TOMM40: variants seen among roughly 807,000 people sequenced by gnomAD.
TOMM40 encodes mitochondrial import receptor subunit TOM40 homolog.
TOMM40 carries 9 observed loss-of-function variants against 38.4 expected under a neutral mutation model. That is an observed-to-expected ratio of 0.23 (90% CI 0.14 to 0.41). The LOEUF (loss-of-function observed/expected upper bound fraction) is 0.41, where lower values mean the gene tolerates loss of function less well. TOMM40 is among the 10% of genes least tolerant of loss of function. The pLI, the probability that TOMM40 is intolerant of heterozygous loss-of-function variation, is 1.00. For missense variants in TOMM40, 299 were observed against 486.5 expected (o/e 0.61, Z 3.63); for synonymous variants, 184 against 210.0 (o/e 0.88, Z 1.07).
In TOMM40 at chr19:44,896,167, C is replaced by G. The variant is rs1969561579; in HGVS notation, c.643+2101C>G. ...AGCACTGGCCTCCTGGAGCCCAGGG[C>G]CACCAGTGACGCTTTGGTCTCTAGT... On this transcript the variant is annotated intron_variant, in intron 5 of 8. Transcript: ENST00000426677. Among the ~76,000 whole-genome samples, 5 of 152,296 alleles carry G rather than the reference C, an allele frequency of 3.3e-5. No individual in the cohort carries two copies. The South Asian group carries it at 1.0e-3, about 32-fold the overall frequency.
rs1370517889 is a variant in TOMM40 at position 44,893,765 on chromosome 19, C to G, written c.436-15C>G. ...TGCACCACCTCTGACCCCTTCCGTT[C>G]TCTCTGCCTCACAGGCGTTCCCTGT... On this transcript the variant is annotated splice_polypyrimidine_tract_variant and intron_variant, in intron 3 of 8. Transcript: ENST00000426677. 2 of 1,610,184 alleles carry G rather than the reference C, an allele frequency of 1.2e-6. No homozygotes were observed. Among genetic ancestry groups the G allele is most frequent in the East Asian group, 2.2e-5 (1 of 44,852 alleles).
At chr19:44,898,145 C>T (rs906973063) in intron 5 of TOMM40, among the ~76,000 whole-genome samples, 1 of 152,068 alleles carries the variant, frequency 6.6e-6, no homozygotes, top group African/African-American at 2.4e-5. Context: ...GCCTAACACT[C>T]AGCCCCTCTG....
chr19:44,896,014 T>G lies in TOMM40; in HGVS notation c.643+1948T>G, dbSNP rs146901487. 1.3e-4 allele frequency among the ~76,000 whole-genome samples: 20 copies of G among 152,302 alleles called. No homozygotes were observed. The East Asian group carries it at 3.9e-3, about 29-fold the overall frequency. ...CTGTCGTCCACCATTGTCCCCATCT[T>G]GCAAGGCCAAGAGGAGGTTCTCCAC... On this transcript the variant is annotated intron_variant, in intron 5 of 8. Transcript: ENST00000426677.
In TOMM40 at chr19:44,892,374, C is replaced by T. The variant is rs1343330936; in HGVS notation, c.275-19C>T. 2 of 1,613,514 alleles carry T rather than the reference C, an allele frequency of 1.2e-6. No homozygotes were observed. Among genetic ancestry groups the T allele is most frequent in the Admixed American group, 3.3e-5 (2 of 59,990 alleles). Reference sequence around the variant, plus strand: ...GGTGTGGGGTTGGAGTGGAGTGTGACAGCGTTTCTCTTCTCCAGAGCTGTT... The same window carrying T: ...GGTGTGGGGTTGGAGTGGAGTGTGATAGCGTTTCTCTTCTCCAGAGCTGTT... On this transcript the variant is annotated intron_variant, in intron 1 of 8. Transcript: ENST00000426677.
Position 44,896,340 on chromosome 19 carries a change from G to A in TOMM40, c.643+2274G>A, listed in dbSNP as rs189296161. ...ACCTCCAGGCGGCTCTGTGACCTCC[G>A]GCAAGTGGTTCCAGCCCTTCTGGGC... On this transcript the variant is annotated intron_variant, in intron 5 of 8. Transcript: ENST00000426677. Among the ~76,000 whole-genome samples the A allele has an allele frequency of 2.3e-3, 349 of 152,212 alleles. 9 individuals are homozygous for A. Among genetic ancestry groups the A allele is most frequent in the Admixed American group, 0.021 (318 of 15,278 alleles).
Position 44,900,201 on chromosome 19 carries a change from C to T in TOMM40, c.644-529C>T, listed in dbSNP as rs77100236. On this transcript the variant is annotated intron_variant, in intron 5 of 8. Coordinates refer to ENST00000426677, the MANE Select transcript of TOMM40 (RefSeq NM_001128917.2). ...CAAGTCCCAGCCACAGCTGAGCACT[C>T]GATTCCTCACAACCCCAAGAGGCAG... is the stretch of plus-strand genomic sequence containing the variant. Among the ~76,000 whole-genome samples, 1,417 of 152,274 alleles carry T rather than the reference C, an allele frequency of 9.3e-3. 57 individuals are homozygous for T. Among genetic ancestry groups the T allele is most frequent in the Admixed American group, 0.078 (1,192 of 15,288 alleles).
intron 5 of TOMM40, among the ~76,000 whole-genome samples, chr19:44,897,957 C>T (rs527939790): frequency 2.3e-4 from 35 of 152,126 alleles, no homozygotes; most frequent in Non-Finnish European, 3.2e-4. Flanking sequence ...GTGGGGGGTT[C>T]GGGGATTCAT....
At chr19:44,893,740 T>C (rs1969510901) in intron 3 of TOMM40, 40 bp from the exon 4 acceptor site, 2 of 1,573,500 alleles carry the variant, frequency 1.3e-6, no homozygotes, top group Admixed American at 1.7e-5. Flanking sequence ...ACTTGCACAG[T>C]GCACCACCTC....
chr19:44,894,650 A>G (rs1439044102), intron 5 of TOMM40, among the ~76,000 whole-genome samples: 1 of 152,046 alleles, frequency 6.6e-6, no homozygotes, highest in Non-Finnish European at 1.5e-5. Flanking sequence ...TGGTCTTGGA[A>G]CTCCTGGCTT....
chr19:44,894,568 C>T (rs112121093), intron 5 of TOMM40, among the ~76,000 whole-genome samples: 12 of 151,978 alleles, frequency 7.9e-5, no homozygotes, highest in African/African-American at 1.9e-4. Flanking sequence ...AGCCAGTCAG[C>T]GCAATTTTAA....
intron 5 of TOMM40, among the ~76,000 whole-genome samples, chr19:44,897,776 C>A (rs866482498): frequency 3.9e-4 from 52 of 132,718 alleles, no homozygotes; most frequent in Admixed American, 5.9e-4. Context: ...CGCCCCATCT[C>A]AAAAAAAAAA....
chr19:44,899,779 C>G (rs1176281801), intron 5 of TOMM40, among the ~76,000 whole-genome samples: 1 of 138,742 alleles, frequency 7.2e-6, no homozygotes, highest in Non-Finnish European at 1.5e-5. Context: ...TGGCATGAGC[C>G]ATTGCATCTG....
intron 5 of TOMM40, among the ~76,000 whole-genome samples, chr19:44,895,955 A>T (rs1437387672): frequency 6.6e-6 from 1 of 152,124 alleles, no homozygotes; most frequent in Non-Finnish European, 1.5e-5. Flanking sequence ...TGGTCTTGAC[A>T]TGACTGGGAA....
In TOMM40 at chr19:44,899,798, T is replaced by TTTTTTTTTTTTTC. The variant is rs1969644292; in HGVS notation, c.644-920_644-919insCTTTTTTTTTTTT. Among the ~76,000 whole-genome samples, 4 of 24,788 alleles carry TTTTTTTTTTTTTC rather than the reference T, an allele frequency of 1.6e-4. No homozygotes were observed. The African/African-American group carries it at 1.9e-3, about 12-fold the overall frequency. The allele number at this position is 24,788 out of a possible 152,430, so 16.3% of individuals were successfully genotyped here. ...ATGAGCCATTGCATCTGGCTTTTTT[T>TTTTTTTTTTTTTC]TTTTTTTTTTTTTTTTTTTTTTTTT... On this transcript the variant is annotated intron_variant, in intron 5 of 8. Transcript: ENST00000426677.
chr19:44,892,279 C>T, intron 1 of TOMM40, 114 bp from the exon 2 acceptor site: 1 of 1,037,898 alleles, frequency 9.6e-7, no homozygotes, highest in South Asian at 1.3e-5. Flanking sequence ...AGGTGGAATC[C>T]TTTGTGAGAT....
Position 44,892,823 on chromosome 19 carries a change from C to T in TOMM40, c.343-14C>T, listed in dbSNP as rs1969492848. On this transcript the variant is annotated splice_polypyrimidine_tract_variant and intron_variant, in intron 2 of 8. Transcript: ENST00000426677. The stretch of plus-strand genomic sequence containing the variant: ...ATCTGTCCAGTATCGTCACAGCTCT[C>T]GCTTTCCTTCCAGGTCAACCACACA... The T allele has an allele frequency of 3.1e-6, 5 of 1,604,446 alleles. No individual in the cohort carries two copies. The highest frequency in any genetic ancestry group is 2.2e-5 in the East Asian group (1 of 44,822).
At chr19:44,900,655 C>T in intron 5 of TOMM40, 75 bp from the exon 6 acceptor site, 1 of 1,609,352 alleles carries the variant, frequency 6.2e-7, no homozygotes, top group East Asian at 2.2e-5. Context: ...CGGGGTGAGC[C>T]TAGAGGGCTT....
rs552245332 is a variant in TOMM40 at position 44,898,867 on chromosome 19, G to A, written c.644-1863G>A. Among the ~76,000 whole-genome samples, 408 of 151,598 alleles carry A rather than the reference G, an allele frequency of 2.7e-3. 1 individual carries two copies. The highest frequency in any genetic ancestry group is 9.4e-3 in the African/African-American group (389 of 41,454). On this transcript the variant is annotated intron_variant, in intron 5 of 8. Transcript: ENST00000426677. ...TTTTTCTTTAAAAATTTTTTAGGCC[G>A]GGCGCGGTGGCTCATGCTTGTAATC...
At chr19:44,900,955 G>A in intron 6 of TOMM40, 73 bp from the exon 7 acceptor site, 1 of 1,610,138 alleles carries the variant, frequency 6.2e-7, no homozygotes, top group Non-Finnish European at 8.5e-7. Context: ...AGGTCTGAGG[G>A]AGGAGGCCTG....
Sources: allele counts gnomAD v4.1 joint callset (sites outside exome capture counted in the v4.1 genomes callset), GRCh38; gene constraint gnomAD v4.1.1; transcripts MANE v1.5; gene names NCBI Gene and HGNC (gene_info 2026-07-23, HGNC 2026-07-21).